The following TEX9 variants were observed in gnomAD, a reference collection of about 807,000 sequenced individuals.
TEX9 encodes testis-expressed protein 9.
Under a neutral mutation model 59.6 loss-of-function variants are expected in TEX9, and 74 were observed. The ratio of observed to expected loss-of-function variants is 1.24; its 90% confidence interval spans 1.03 to 1.51. The LOEUF (loss-of-function observed/expected upper bound fraction) is 1.51, where lower values mean the gene tolerates loss of function less well. TEX9 is among the 40% of genes most tolerant of loss of function. TEX9 has a pLI of 0.00. For missense variants in TEX9, 522 were observed against 447.8 expected, an observed-to-expected ratio of 1.17 and a Z score of -1.49; for synonymous variants, 186 against 152.2, an observed-to-expected ratio of 1.22 and a Z score of -1.64.
intron 1 of TEX9, among the ~76,000 whole-genome samples, chr15:56,291,075 T>G (rs2141503354): frequency 6.6e-6 from 1 of 152,292 alleles, no homozygotes; most frequent in Non-Finnish European, 1.5e-5. Flanking sequence ...CAAGTCCCAA[T>G]TGAAGTATAA....
At chr15:56,244,605 A>G (rs2043797549) in intron 1 of TEX9, among the ~76,000 whole-genome samples, 1 of 120,140 alleles carries the variant, frequency 8.3e-6, no homozygotes, top group Admixed American at 9.4e-5. Flanking sequence ...CTTTCCAGGA[A>G]TGCCCTCCCT....
At chr15:56,246,651 G>A (rs534616675) in intron 1 of TEX9, among the ~76,000 whole-genome samples, 1 of 152,262 alleles carries the variant, frequency 6.6e-6, no homozygotes, top group East Asian at 1.9e-4. Context: ...TTTTCTCTGA[G>A]CATCATTTTG....
intron 10 of TEX9, 119 bp downstream of exon 10, chr15:56,412,555 T>A: frequency 8.8e-7 from 1 of 1,137,066 alleles, no homozygotes; most frequent in Non-Finnish European, 1.2e-6. Flanking sequence ...ATTTCTCTTT[T>A]CAGAAGAAAT....
chr15:56,327,624 G>A (rs1451776102), intron 1 of TEX9, among the ~76,000 whole-genome samples: 1 of 152,152 alleles, frequency 6.6e-6, no homozygotes, highest in African/African-American at 2.4e-5. Context: ...ATCTCGAACT[G>A]CCAACACCAC....
chr15:56,392,042 T>C (rs2048240905), intron 7 of TEX9, among the ~76,000 whole-genome samples: 1 of 151,890 alleles, frequency 6.6e-6, no homozygotes, highest in Non-Finnish European at 1.5e-5. Flanking sequence ...AGTAAGACAA[T>C]TGAGTATATA....
chr15:56,376,658 C>A (rs1290308743), intron 3 of TEX9, among the ~76,000 whole-genome samples: 1 of 151,796 alleles, frequency 6.6e-6, no homozygotes, highest in Non-Finnish European at 1.5e-5. Context: ...ATATTTTCTA[C>A]CCTTGTCGAT....
chr15:56,357,013 T>C (rs2141899324), intron 1 of TEX9, among the ~76,000 whole-genome samples: 1 of 152,286 alleles, frequency 6.6e-6, no homozygotes, highest in South Asian at 2.1e-4. Flanking sequence ...GATAGGGCTA[T>C]AAGAATACTG....
chr15:56,444,290 A>C lies in TEX9; in HGVS notation c.*30-1381A>C, dbSNP rs113855769. 3.3e-3 allele frequency among the ~76,000 whole-genome samples: 501 copies of C among 152,196 alleles called. 2 individuals are homozygous for C. The highest frequency in any genetic ancestry group is 0.012 in the African/African-American group (483 of 41,582). ...ATTAATTATGCTAACGGAGATGAGA[A>C]GGAGTTGGTCCCAATTTATGTTTTC... On this transcript the variant is annotated intron_variant, in intron 12 of 12. Transcript: ENST00000352903.
intron 9 of TEX9, chr15:56,398,095 A>G (rs1179720160): frequency 6.6e-6 from 1 of 152,202 alleles, no homozygotes; most frequent in Non-Finnish European, 1.5e-5. Flanking sequence ...AAAGTTAATT[A>G]TAGTATTTAA....
chr15:56,318,315 G>A (rs1397204064), intron 1 of TEX9, among the ~76,000 whole-genome samples: 1 of 151,964 alleles, frequency 6.6e-6, no homozygotes, highest in Non-Finnish European at 1.5e-5. Context: ...TATAAATATA[G>A]CTGCTCCAAT....
At chr15:56,321,939 G>A (rs1333743016) in intron 1 of TEX9, among the ~76,000 whole-genome samples, 2 of 151,912 alleles carry the variant, frequency 1.3e-5, no homozygotes, top group Non-Finnish European at 2.9e-5. Context: ...GGGGTTGACT[G>A]TAAATTGGCT....
At chr15:56,419,788 C>G (rs1275874627) in intron 10 of TEX9, among the ~76,000 whole-genome samples, 2 of 151,792 alleles carry the variant, frequency 1.3e-5, no homozygotes, top group Non-Finnish European at 2.9e-5. Context: ...ATTAAATGAA[C>G]TTCCAAATCA....
At chr15:56,273,309 C>G (rs2044593170) in intron 1 of TEX9, among the ~76,000 whole-genome samples, 1 of 152,070 alleles carries the variant, frequency 6.6e-6, no homozygotes. Context: ...TTCTTTTTAA[C>G]TTTTTAGTGG....
chr15:56,300,637 G>A (rs1308338747), intron 1 of TEX9, among the ~76,000 whole-genome samples: 3 of 150,558 alleles, frequency 2.0e-5, no homozygotes, highest in African/African-American at 7.4e-5. Context: ...CCCAGTGGTG[G>A]CCACAGGGGT....
At chr15:56,293,350 A>G (rs1181393302) in intron 1 of TEX9, among the ~76,000 whole-genome samples, 1 of 152,164 alleles carries the variant, frequency 6.6e-6, no homozygotes, top group Admixed American at 6.5e-5. Context: ...CACAAAAAAG[A>G]CAGTCCCTTC....
chr15:56,458,176 T>A, the TEX9 span, among the ~76,000 whole-genome samples: 2 of 152,236 alleles, frequency 1.3e-5, no homozygotes, highest in Admixed American at 1.3e-4. Context: ...TTTTTAATAA[T>A]TGAGATATAA....
chr15:56,350,759 G>C (rs1212552368), intron 1 of TEX9, among the ~76,000 whole-genome samples: 1 of 152,148 alleles, frequency 6.6e-6, no homozygotes. Context: ...CCTGACTAAA[G>C]TGACAGTGGT....
chr15:56,315,863 T>C (rs2045744288), intron 1 of TEX9, among the ~76,000 whole-genome samples: 2 of 150,208 alleles, frequency 1.3e-5, no homozygotes, highest in African/African-American at 4.9e-5. Context: ...TTTATTATTT[T>C]TTCTCTAAAC....
intron 1 of TEX9, among the ~76,000 whole-genome samples, chr15:56,297,422 A>G (rs187501596): frequency 6.6e-6 from 1 of 152,378 alleles, no homozygotes; most frequent in Admixed American, 6.5e-5. Context: ...ATATGCCTTG[A>G]AATTGAAAAT....
Sources: allele counts gnomAD v4.1 joint callset (sites outside exome capture counted in the v4.1 genomes callset), GRCh38; gene constraint gnomAD v4.1.1; transcripts MANE v1.5; gene names NCBI Gene and HGNC (gene_info 2026-07-23, HGNC 2026-07-21).